Variants in ARHGAP35 observed in about 807,000 individuals in gnomAD.
ARHGAP35 encodes the protein rho GTPase-activating protein 35.
A neutral mutation model predicts 111.1 loss-of-function variants in ARHGAP35; 15 were observed. That is an observed-to-expected ratio of 0.13 (90% CI 0.09 to 0.21). ARHGAP35 has a LOEUF of 0.21. Ranked by LOEUF, ARHGAP35 falls within the 10% of genes least tolerant of loss-of-function variation. The pLI is 1.00. For synonymous variants in ARHGAP35, 643 were observed against 710.3 expected, an observed-to-expected ratio of 0.91 and a Z score of 1.51; for missense variants, 1,262 against 1,873.0, an observed-to-expected ratio of 0.67 and a Z score of 6.02.
chr19:46,962,514 A>G (rs1163362548), intron 3 of ARHGAP35, among the ~76,000 whole-genome samples: 11 of 152,282 alleles, frequency 7.2e-5, no homozygotes, highest in Admixed American at 1.3e-4. Context: ...CAGAAATTCT[A>G]GCACAAGGCC....
intron 3 of ARHGAP35, among the ~76,000 whole-genome samples, chr19:46,966,882 A>G (rs2056517985): frequency 6.6e-6 from 1 of 152,170 alleles, no homozygotes; most frequent in Non-Finnish European, 1.5e-5. Context: ...TGCAGGGGTT[A>G]GTGCTGCAGA....
chr19:46,871,820 AAC>A (rs1196911800), intron 1 of ARHGAP35, among the ~76,000 whole-genome samples: 1 of 151,812 alleles, frequency 6.6e-6, no homozygotes. Context: ...CTCTACTAAA[AAC>A]ACAAAAAATT....
chr19:46,978,661 G>T (rs140809886), intron 3 of ARHGAP35, among the ~76,000 whole-genome samples: 1 of 115,598 alleles, frequency 8.7e-6, no homozygotes. Flanking sequence ...TGTGGTGGGT[G>T]TGTGTGGTGG....
chr19:46,973,021 A>AT (rs11385173), intron 3 of ARHGAP35, among the ~76,000 whole-genome samples: 96,135 of 152,000 alleles, frequency 0.63, 31,100 homozygotes, highest in Middle Eastern at 0.8. Flanking sequence ...CTACCTGAGG[A>AT]TTTTTTTTCT....
chr19:46,863,769 T>C (rs946550058), intron 1 of ARHGAP35, among the ~76,000 whole-genome samples: 15 of 152,164 alleles, frequency 9.9e-5, no homozygotes, highest in African/African-American at 3.4e-4. Flanking sequence ...ATGGCCACAG[T>C]TGGACCTAGG....
chr19:46,935,992 G>A (rs989107142), intron 2 of ARHGAP35, among the ~76,000 whole-genome samples: 2 of 152,226 alleles, frequency 1.3e-5, no homozygotes, highest in Non-Finnish European at 2.9e-5. Context: ...ATTTAGGCAT[G>A]TGAGAGATTT....
At chr19:46,873,849 C>T (rs1257091698) in intron 1 of ARHGAP35, among the ~76,000 whole-genome samples, 2 of 151,868 alleles carry the variant, frequency 1.3e-5, no homozygotes, top group African/African-American at 2.4e-5. Flanking sequence ...CCGGGGTACA[C>T]GCCATTCTCT....
intron 3 of ARHGAP35, among the ~76,000 whole-genome samples, chr19:46,941,732 G>T (rs1267101865): frequency 6.6e-6 from 1 of 150,966 alleles, no homozygotes; most frequent in African/African-American, 2.4e-5. Flanking sequence ...GCTAATTTTT[G>T]TATTTTTTGT....
intron 3 of ARHGAP35, among the ~76,000 whole-genome samples, chr19:46,941,210 T>C (rs910349620): frequency 6.6e-6 from 1 of 152,300 alleles, no homozygotes; most frequent in Admixed American, 6.5e-5. Context: ...GGCATTCCCC[T>C]TGTGTGGTTT....
At chr19:46,985,697 A>G (rs2056645319) in intron 3 of ARHGAP35, among the ~76,000 whole-genome samples, 1 of 152,158 alleles carries the variant, frequency 6.6e-6, no homozygotes, top group Non-Finnish European at 1.5e-5. Context: ...TGATATGGAA[A>G]GTGCCAGCAC....
intron 5 of ARHGAP35, among the ~76,000 whole-genome samples, chr19:46,996,617 A>G (rs186256711): frequency 3.3e-5 from 5 of 152,246 alleles, no homozygotes; most frequent in East Asian, 1.9e-4. Flanking sequence ...CTCGATGCCT[A>G]ATTAAGACAA....
Position 46,999,810 on chromosome 19 carries a change from A to G in ARHGAP35, c.4142+401A>G, listed in dbSNP as rs1025350121. 3 of 225,464 alleles carry G rather than the reference A, an allele frequency of 1.3e-5. No homozygotes were observed. The highest frequency in any genetic ancestry group is 6.8e-5 in the African/African-American group (3 of 44,076). The allele number at this position is 225,464 out of a possible 1,614,324, so 14.0% of individuals were successfully genotyped here. A position where few individuals can be genotyped will look rare whatever the true frequency, so the allele number is the denominator to read the frequency against. ...TCAGAGTCCCTGAAAGTCCTCTCAC[A>G]GCATTCACGTTCCCAGCTGGGGAGA... is the stretch of plus-strand genomic sequence containing the variant. On this transcript the variant is annotated intron_variant, in intron 6 of 6. Transcript: ENST00000672722. The surrounding 1 kb of genome is among the most constrained non-coding windows in gnomAD (Gnocchi z 5.4).
intron 1 of ARHGAP35, among the ~76,000 whole-genome samples, chr19:46,868,372 CAATT>C (rs138633706): frequency 0.011 from 1,716 of 152,198 alleles, 37 homozygotes; most frequent in African/African-American, 0.039. Context: ...CAATTGTAAA[CAATT>C]AACTATATAG....
chr19:46,990,585 G>C (rs1482026796), intron 5 of ARHGAP35, among the ~76,000 whole-genome samples: 1 of 152,214 alleles, frequency 6.6e-6, no homozygotes, highest in Non-Finnish European at 1.5e-5. Context: ...AGCAACCAGA[G>C]GGTGGGGAAG....
intron 1 of ARHGAP35, among the ~76,000 whole-genome samples, chr19:46,874,027 G>A (rs1030593223): frequency 1.2e-4 from 18 of 152,204 alleles, no homozygotes; most frequent in African/African-American, 2.2e-4. Flanking sequence ...GATTACAGGC[G>A]TGAGCCACCT....
intron 3 of ARHGAP35, among the ~76,000 whole-genome samples, chr19:46,953,367 G>A (rs956686283): frequency 2.0e-5 from 3 of 152,100 alleles, no homozygotes; most frequent in African/African-American, 7.2e-5. Flanking sequence ...AGGAAATGGG[G>A]GAGAGAACCA....
Position 47,000,903 on chromosome 19 carries a change from A to G in ARHGAP35, c.*215A>G. 1 of 1,532,332 alleles carries G rather than the reference A, an allele frequency of 6.5e-7. No individual in the cohort carries two copies. The highest frequency in any genetic ancestry group is 8.7e-7 in the Non-Finnish European group (1 of 1,145,136). The allele number at this position is 1,532,332 out of a possible 1,614,324, so 94.9% of individuals were successfully genotyped here. A position where few individuals can be genotyped will look rare whatever the true frequency, so the allele number is the denominator to read the frequency against. ...GCGCTGCAGACCTGAGCTGGCTTGG[A>G]CCCATTTGAGGACTGAACTAGGCAG... On this transcript the variant is annotated 3_prime_UTR_variant, in exon 7 of 7. Coordinates refer to ENST00000672722, the MANE Select transcript of ARHGAP35 (RefSeq NM_004491.5). This position sits in a 1 kb window ranked among gnomAD's most constrained non-coding sequence, Gnocchi z 6.9.
intron 5 of ARHGAP35, among the ~76,000 whole-genome samples, chr19:46,990,528 G>A (rs71353941): frequency 1.3e-5 from 2 of 152,234 alleles, no homozygotes; most frequent in Non-Finnish European, 2.9e-5. Context: ...AGCTGCAGAA[G>A]GGAGTGTCTC....
chr19:46,940,581 TC>T, intron 3 of ARHGAP35, among the ~76,000 whole-genome samples: 1 of 151,146 alleles, frequency 6.6e-6, no homozygotes, highest in African/African-American at 2.4e-5. Context: ...TGTAGGGTGT[TC>T]CTCAGCTTAG....
Sources: allele counts gnomAD v4.1 joint callset (sites outside exome capture counted in the v4.1 genomes callset), GRCh38; gene constraint gnomAD v4.1.1; non-coding constraint Gnocchi (gnomAD v3.1); transcripts MANE v1.5; gene names NCBI Gene and HGNC (gene_info 2026-07-23, HGNC 2026-07-21).